Variants in CLCN1 observed in about 807,000 individuals in gnomAD.
The protein encoded by CLCN1 is chloride channel protein 1.
CLCN1 carries 100 observed loss-of-function variants against 114.5 expected under a neutral mutation model. The observed-to-expected ratio is 0.87, with a 90% CI of 0.74 to 1.03. The LOEUF is 1.03. CLCN1 is among the 50% of genes least tolerant of loss of function. The probability of loss-of-function intolerance (pLI) is 0.00; values close to 1 mark genes in which losing one functional copy is unlikely to be tolerated. For missense variants in CLCN1, 1,188 were observed against 1,250.0 expected (o/e 0.95, Z 0.75); for synonymous variants, 485 against 487.1 (o/e 1.00, Z 0.06).
chr7:143,329,165 A>T (rs929348090), intron 7 of CLCN1, among the ~76,000 whole-genome samples: 2 of 151,638 alleles, frequency 1.3e-5, no homozygotes, highest in African/African-American at 4.8e-5. Context: ...TTAGGGTTTC[A>T]CCATGTTGGC....
intron 15 of CLCN1, 112 bp from the exon 16 acceptor site, chr7:143,342,260 T>C (rs1803100391): frequency 4.7e-6 from 7 of 1,477,234 alleles, no homozygotes; most frequent in Non-Finnish European, 6.6e-6. Flanking sequence ...TATTATATTC[T>C]CATGCACCTA....
At chr7:143,336,446 C>T (rs1802893811) in intron 12 of CLCN1, among the ~76,000 whole-genome samples, 2 of 151,708 alleles carry the variant, frequency 1.3e-5, no homozygotes, top group South Asian at 2.1e-4. Flanking sequence ...CCTGTCTCAA[C>T]TAAAAATACA....
At chr7:143,330,138 G>T (rs183398032) in intron 7 of CLCN1, among the ~76,000 whole-genome samples, 1 of 151,896 alleles carries the variant, frequency 6.6e-6, no homozygotes, top group African/African-American at 2.4e-5. Flanking sequence ...CTTTTAAGTC[G>T]GGTTTTTAGT....
chr7:143,351,268 C>T (rs1456664786), intron 22 of CLCN1, among the ~76,000 whole-genome samples: 2 of 152,102 alleles, frequency 1.3e-5, no homozygotes, highest in East Asian at 1.9e-4. Flanking sequence ...GTCACAGTTT[C>T]TCGGGGATGC....
chr7:143,323,643 T>A (rs1335552565), intron 6 of CLCN1: 1 of 636,360 alleles, frequency 1.6e-6, no homozygotes, highest in Non-Finnish European at 3.0e-6. Context: ...GTCTGTCGTC[T>A]GCTCCCATGC....
chr7:143,320,521 C>A, intron 2 of CLCN1, 143 bp from the exon 3 acceptor site: 1 of 834,922 alleles, frequency 1.2e-6, no homozygotes, highest in Non-Finnish European at 1.9e-6. Flanking sequence ...GGGTATAGCA[C>A]CCAAAGTAAA....
chr7:143,331,030 A>G (rs1464933325), intron 8 of CLCN1, 133 bp downstream of exon 8: 2 of 1,354,418 alleles, frequency 1.5e-6, no homozygotes, highest in Non-Finnish European at 1.1e-6. Flanking sequence ...ACCAAGGCCC[A>G]AGGGTGTATG....
In CLCN1 at chr7:143,316,194, G is replaced by C; in HGVS notation, c.-19G>C. ...GGGCAAGCAGGCCAAGGCCTGGCCG[G>C]GGCTCGGGGGGAGGGAATATGGAGC... On this transcript the variant is annotated 5_prime_UTR_variant, in exon 1 of 23. Transcript: ENST00000343257. The C allele has an allele frequency of 1.2e-6, 2 of 1,606,678 alleles. No homozygotes were observed. The highest frequency in any genetic ancestry group is 2.2e-5 in the South Asian group (2 of 90,986).
chr7:143,345,998 G>C (rs1239270211), intron 17 of CLCN1, 142 bp from the exon 18 acceptor site: 2 of 805,682 alleles, frequency 2.5e-6, no homozygotes, highest in East Asian at 5.3e-5. Flanking sequence ...TGGTATCCTC[G>C]ACAATTCAAA....
At chr7:143,340,523 TCTTCTC>T (rs972222253) in intron 14 of CLCN1, among the ~76,000 whole-genome samples, 4 of 152,086 alleles carry the variant, frequency 2.6e-5, no homozygotes, top group East Asian at 3.9e-4. Context: ...TTCTTTTCTC[TCTTCTC>T]CTTCTCCTTC....
chr7:143,347,605 A>T (rs1229440407), intron 20 of CLCN1, among the ~76,000 whole-genome samples: 8 of 139,956 alleles, frequency 5.7e-5, no homozygotes, highest in Non-Finnish European at 1.2e-4. Context: ...TGGGTGACAG[A>T]TCCAGACTTT....
chr7:143,319,553 A>G (rs1802371181), intron 1 of CLCN1, among the ~76,000 whole-genome samples: 1 of 152,188 alleles, frequency 6.6e-6, no homozygotes, highest in African/African-American at 2.4e-5. Context: ...AGGATGAATG[A>G]ACAAGGGAAA....
At chr7:143,335,849 A>G (rs995089994) in intron 12 of CLCN1, among the ~76,000 whole-genome samples, 11 of 151,870 alleles carry the variant, frequency 7.2e-5, no homozygotes, top group African/African-American at 2.7e-4. Context: ...TTTAGTAGAG[A>G]CGGTGTTTCA....
At chr7:143,344,738 T>G (rs1475804493) in intron 16 of CLCN1, among the ~76,000 whole-genome samples, 4 of 148,418 alleles carry the variant, frequency 2.7e-5, no homozygotes, top group Admixed American at 7.0e-5. Flanking sequence ...GCATTTTGAT[T>G]TATCCTAGCA....
intron 7 of CLCN1, among the ~76,000 whole-genome samples, chr7:143,327,466 G>A (rs1053565897): frequency 6.6e-6 from 1 of 152,062 alleles, no homozygotes; most frequent in African/African-American, 2.4e-5. Flanking sequence ...AGCTTTGAGT[G>A]TCCACCCAAT....
intron 6 of CLCN1, 64 bp downstream of exon 6, chr7:143,323,450 G>C (rs1309407626): frequency 8.4e-7 from 1 of 1,190,020 alleles, no homozygotes; most frequent in African/African-American, 1.5e-5. Context: ...TGTGTGTCCA[G>C]GGTGTTGGGA....
chr7:143,331,206 G>T (rs371875551), intron 8 of CLCN1, 26 bp from the exon 9 acceptor site: 7 of 1,537,074 alleles, frequency 4.6e-6, no homozygotes, highest in South Asian at 1.1e-5. Context: ...AGCTCCCATC[G>T]TAATACTGGC....
Position 143,351,749 on chromosome 7 carries a change from TG to T in CLCN1, c.2753del (p.Gly918GlufsTer5). 10 of 1,614,170 alleles carry T rather than the reference TG, an allele frequency of 6.2e-6. No homozygotes were observed. The highest frequency in any genetic ancestry group is 8.5e-6 in the Non-Finnish European group (10 of 1,180,018). ...NLPEDRPGAT[G>X]TGDVIAASPE... is the part of the protein sequence containing the mutation. ...TGCCTGAGGACAGGCCTGGGGCCAC[TG>T]GAACAGGGGATGTGATTGCTGCCTC... On this transcript the variant is annotated frameshift_variant, in exon 23 of 23. Transcript: ENST00000343257. LOFTEE classifies it high-confidence loss of function.
At chr7:143,335,353 C>G (rs1218145024) in intron 12 of CLCN1, among the ~76,000 whole-genome samples, 1 of 152,110 alleles carries the variant, frequency 6.6e-6, no homozygotes, top group Non-Finnish European at 1.5e-5. Flanking sequence ...CATATACTTC[C>G]TGGGCTATAT....
Sources: allele counts gnomAD v4.1 joint callset (sites outside exome capture counted in the v4.1 genomes callset), GRCh38; gene constraint gnomAD v4.1.1; transcripts MANE v1.5; gene names NCBI Gene and HGNC (gene_info 2026-07-23, HGNC 2026-07-21).